ENTREP2: variants seen among roughly 807,000 people sequenced by gnomAD.
The protein encoded by ENTREP2 is protein ENTREP2.
At chr15:29,155,174 T>C in the ENTREP2 span, among the ~76,000 whole-genome samples, 18,319 of 151,634 alleles carry the variant, frequency 0.12, 1,499 homozygotes, top group African/African-American at 0.23. Context: ...CCCAGCTACT[T>C]GGGAGGCTGA....
the ENTREP2 span, among the ~76,000 whole-genome samples, chr15:29,454,655 A>T: frequency 1.3e-5 from 2 of 152,142 alleles, no homozygotes; most frequent in Non-Finnish European, 2.9e-5. Flanking sequence ...TGGCATTCAC[A>T]TGTGATCCCT....
At chr15:29,159,073 T>G in the ENTREP2 span, among the ~76,000 whole-genome samples, 1 of 152,182 alleles carries the variant, frequency 6.6e-6, no homozygotes, top group Non-Finnish European at 1.5e-5. Flanking sequence ...ATTGGTGGGT[T>G]ATTGGTCTCA....
the ENTREP2 span, among the ~76,000 whole-genome samples, chr15:29,312,550 C>G: frequency 6.6e-6 from 1 of 152,062 alleles, no homozygotes; most frequent in Non-Finnish European, 1.5e-5. Context: ...TTTGGTAATT[C>G]TCAGTACATT....
At chr15:29,357,817 C>G in the ENTREP2 span, among the ~76,000 whole-genome samples, 2 of 148,074 alleles carry the variant, frequency 1.4e-5, no homozygotes, top group Non-Finnish European at 3.0e-5. Flanking sequence ...CCAGCCTGGG[C>G]GACAGAGCAA....
chr15:29,119,563 A>G, the ENTREP2 span, among the ~76,000 whole-genome samples: 1 of 34,222 alleles, frequency 2.9e-5, no homozygotes, highest in African/African-American at 5.7e-5. Context: ...ACTAACCTGC[A>G]CAATGTGCAC....
chr15:29,457,599 G>A, the ENTREP2 span, among the ~76,000 whole-genome samples: 3 of 152,172 alleles, frequency 2.0e-5, no homozygotes, highest in Non-Finnish European at 4.4e-5. Context: ...TCCTGTCAGC[G>A]CTGGCACCCG....
the ENTREP2 span, among the ~76,000 whole-genome samples, chr15:29,481,571 T>A: frequency 6.6e-6 from 1 of 152,234 alleles, no homozygotes; most frequent in South Asian, 2.1e-4. Context: ...CTACACCTAC[T>A]TATAATCTAA....
At chr15:29,123,221 C>T in the ENTREP2 span, 1 of 1,111,540 alleles carries the variant, frequency 9.0e-7, no homozygotes, top group Non-Finnish European at 1.3e-6. Flanking sequence ...TGGGTGTCCC[C>T]CCCACATTTA....
the ENTREP2 span, among the ~76,000 whole-genome samples, chr15:29,637,118 G>A: frequency 6.6e-6 from 1 of 152,192 alleles, no homozygotes; most frequent in Admixed American, 6.5e-5. Flanking sequence ...GTAACTGCCA[G>A]AAACCCAAAC....
At chr15:29,424,123 A>C in the ENTREP2 span, among the ~76,000 whole-genome samples, 1 of 152,318 alleles carries the variant, frequency 6.6e-6, no homozygotes, top group Non-Finnish European at 1.5e-5. Context: ...TTCAGGAAGG[A>C]AGCTGCAAAC....
At chr15:29,475,921 T>C in the ENTREP2 span, among the ~76,000 whole-genome samples, 6 of 152,206 alleles carry the variant, frequency 3.9e-5, no homozygotes, top group Admixed American at 2.0e-4. Context: ...GGTTGGCATC[T>C]GTATCTTGTT....
At chr15:29,284,202 C>A in the ENTREP2 span, among the ~76,000 whole-genome samples, 2 of 152,110 alleles carry the variant, frequency 1.3e-5, no homozygotes, top group Non-Finnish European at 2.9e-5. Context: ...TGCTGAATTT[C>A]CAGAATAGGG....
At chr15:29,317,426 A>T in the ENTREP2 span, among the ~76,000 whole-genome samples, 2 of 152,230 alleles carry the variant, frequency 1.3e-5, no homozygotes, top group African/African-American at 4.8e-5. Flanking sequence ...GAATAATTTT[A>T]AAATGAAGAA....
the ENTREP2 span, among the ~76,000 whole-genome samples, chr15:29,525,009 T>G: frequency 6.6e-6 from 1 of 152,216 alleles, no homozygotes; most frequent in Non-Finnish European, 1.5e-5. Flanking sequence ...CTAGTTTGTA[T>G]TTTAGTGAGC....
chr15:29,608,679 G>A, the ENTREP2 span, among the ~76,000 whole-genome samples: 3 of 151,726 alleles, frequency 2.0e-5, no homozygotes, highest in Non-Finnish European at 2.9e-5. Flanking sequence ...CCATTCTCCT[G>A]ACTCAGCCTC....
chr15:29,415,647 C>G, the ENTREP2 span, among the ~76,000 whole-genome samples: 1 of 152,094 alleles, frequency 6.6e-6, no homozygotes, highest in Non-Finnish European at 1.5e-5. Flanking sequence ...AAGTTCTGGC[C>G]AGGGCAGTCA....
the ENTREP2 span, among the ~76,000 whole-genome samples, chr15:29,139,916 C>T: frequency 6.6e-6 from 1 of 152,202 alleles, no homozygotes; most frequent in Non-Finnish European, 1.5e-5. Context: ...GCTCTGCAGG[C>T]TGGGGCTGGA....
At chr15:29,124,810 C>G in the ENTREP2 span, 1 of 1,489,602 alleles carries the variant, frequency 6.7e-7, no homozygotes, top group Non-Finnish European at 9.1e-7. Context: ...AAAAGGAATT[C>G]CTGAGAAAGC....
chr15:29,450,411 T>C, the ENTREP2 span, among the ~76,000 whole-genome samples: 1 of 152,174 alleles, frequency 6.6e-6, no homozygotes, highest in Non-Finnish European at 1.5e-5. Flanking sequence ...TTGTATATGG[T>C]GAAGGGAACG....
Sources: allele counts gnomAD v4.1 joint callset (sites outside exome capture counted in the v4.1 genomes callset), GRCh38; gene constraint gnomAD v4.1.1; transcripts MANE v1.5; gene names NCBI Gene and HGNC (gene_info 2026-07-23, HGNC 2026-07-21).